The following CST9L variants were observed in gnomAD, a reference collection of about 807,000 sequenced individuals.
CST9L encodes cystatin-9-like.
Under a neutral mutation model 13.2 loss-of-function variants are expected in CST9L, and 17 were observed. The ratio of observed to expected loss-of-function variants is 1.29; its 90% CI spans 0.88 to 1.93. The LOEUF (loss-of-function observed/expected upper bound fraction) is 1.93, where lower values mean the gene tolerates loss of function less well. Among genes scored for constraint, CST9L ranks in the 30% most tolerant of loss-of-function variants. The pLI, the probability that CST9L is intolerant of heterozygous loss-of-function variation, is 0.00. For synonymous variants in CST9L, 78 were observed against 69.1 expected (o/e 1.13, Z -0.64); for missense variants, 170 against 170.5 (o/e 1.00, Z 0.02).
Position 23,568,434 on chromosome 20 carries a change from C to T in CST9L, c.17G>A (p.Trp6Ter), listed in dbSNP as rs765039620. ...CAGCGCCCAGGACAGACCTCCCTTCCACGGCAGGCCCAGCATGGTGCTGAC... is the reference window on the plus strand; with the variant it reads ...CAGCGCCCAGGACAGACCTCCCTTCTACGGCAGGCCCAGCATGGTGCTGAC... MLGLP[W>*]KGGLSWALLL... The change falls in exon 1 of 3, where the codon TGG becomes TAG. Residue 6 changes from tryptophan to a stop codon, truncating the protein, a stop_gained. Coordinates refer to ENST00000376979, the MANE Select transcript of CST9L (RefSeq NM_080610.3). LOFTEE classifies it high-confidence loss of function. 3.7e-6 allele frequency: 6 copies of T among 1,613,922 alleles called. No homozygotes were observed. In the Admixed American group the frequency reaches 1.0e-4, roughly 27 times the overall value.
At chr20:23,566,211 G>C in intron 1 of CST9L, 124 bp from the exon 2 acceptor site, 1 of 709,490 alleles carries the variant, frequency 1.4e-6, no homozygotes, top group South Asian at 1.6e-5. Flanking sequence ...GCTTGCCCAT[G>C]GGCCTGGCAT....
chr20:23,567,176 T>C (rs571967180), intron 1 of CST9L, among the ~76,000 whole-genome samples: 7 of 152,076 alleles, frequency 4.6e-5, no homozygotes, highest in Non-Finnish European at 8.8e-5. Flanking sequence ...GTTTCAGTAA[T>C]GAGGTAGGAA....
rs1345431683 is a variant in CST9L, at chr20:23,566,107, T to G, written c.241-20A>C. The G allele has an allele frequency of 7.5e-7, 1 of 1,326,248 alleles. No homozygotes were observed. The highest frequency in any genetic ancestry group is 1.7e-5 in the Admixed American group (1 of 59,722). The allele number at this position is 1,326,248 out of a possible 1,614,324, so 82.2% of individuals were successfully genotyped here. A position where few individuals can be genotyped will look rare whatever the true frequency, so the allele number is the denominator to read the frequency against. ...CTCCACCTATTGCACACAGAGAGAT[T>G]AATGTGAACACACCCTCCTTGTTGC... On this transcript the variant is annotated intron_variant, in intron 1 of 2. Coordinates refer to ENST00000376979, the MANE Select transcript of CST9L (RefSeq NM_080610.3).
chr20:23,565,921 C>T (rs1989086679), intron 2 of CST9L, 53 bp downstream of exon 2: 1 of 974,830 alleles, frequency 1.0e-6, no homozygotes, highest in Non-Finnish European at 1.7e-6. Flanking sequence ...CACACCACAC[C>T]CCATGTGGCA....
chr20:23,568,393 C>T lies in CST9L; in HGVS notation c.58G>A (p.Gly20Ser), dbSNP rs749707803. The part of the protein sequence containing the change: ...LSWALLLLLL[G>S]SQILLIYAWH... ...GCATAGATCAGCAGGATCTGGGAGCCTAAGAGAAGCAGCAGCAGCGCCCAG... is the reference window on the plus strand; with the variant it reads ...GCATAGATCAGCAGGATCTGGGAGCTTAAGAGAAGCAGCAGCAGCGCCCAG... The change falls in exon 1 of 3, where the codon GGC (glycine) becomes AGC (serine). Residue 20 changes from glycine (G) to serine (S), a missense_variant. By Grantham distance (56) the Gly-to-Ser change is moderately conservative. Transcript: ENST00000376979. The T allele has an allele frequency of 1.2e-6, 2 of 1,614,164 alleles. No individual in the cohort carries two copies. The highest frequency in any genetic ancestry group is 1.7e-6 in the Non-Finnish European group (2 of 1,180,022).
At chr20:23,568,037 A>G (rs930372412) in intron 1 of CST9L, among the ~76,000 whole-genome samples, 174 bp downstream of exon 1, 1 of 152,220 alleles carries the variant, frequency 6.6e-6, no homozygotes, top group Non-Finnish European at 1.5e-5. Flanking sequence ...TGAAATTTCT[A>G]ACTTAGATGT....
intron 1 of CST9L, among the ~76,000 whole-genome samples, chr20:23,566,768 C>A (rs891133857): frequency 6.6e-6 from 1 of 152,088 alleles, no homozygotes; most frequent in Non-Finnish European, 1.5e-5. Flanking sequence ...CTTGTAATCC[C>A]AGCTACTCGG....
intron 2 of CST9L, 94 bp from the exon 3 acceptor site, chr20:23,565,131 C>A: frequency 1.1e-6 from 1 of 895,986 alleles, no homozygotes; most frequent in Non-Finnish European, 1.9e-6. Context: ...TCCACATTGC[C>A]CTTTCCCAGG....
chr20:23,565,178 T>G, intron 2 of CST9L, 141 bp from the exon 3 acceptor site: 1 of 679,382 alleles, frequency 1.5e-6, no homozygotes, highest in Admixed American at 2.1e-5. Flanking sequence ...GGCTATCATG[T>G]GCTGCCCCCA....
At position 23,565,985 on chromosome 20, in the gene CST9L, C is replaced by T. The variant is rs756626927; in HGVS notation, c.343G>A (p.Glu115Lys). 43 of 1,579,880 alleles carry T rather than the reference C, an allele frequency of 2.7e-5. No individual in the cohort carries two copies. In the African/African-American group the frequency reaches 3.9e-4, roughly 14 times the overall value. Residue 115 changes from glutamate to lysine, a missense_variant, in exon 2 of 3, where the codon GAG (glutamate) becomes AAG (lysine). By Grantham distance (56) the Glu-to-Lys change is moderately conservative. Transcript: ENST00000376979. ...GTGTCCTGTCTTACATTGTTCAGCT[C>T]TGTGCTTTCTTGGAAATGGCAGTTG... Reference protein sequence around the residue: ...IDNCHFQESTELNNTFTCFFT... With the variant: ...IDNCHFQESTKLNNTFTCFFT...
Position 23,566,055 on chromosome 20 carries a change from T to C in CST9L, c.273A>G (p.Leu91=), listed in dbSNP as rs1989090602. Residue 91 remains leucine (L), a synonymous_variant, in exon 2 of 3, where the codon CTA becomes CTG. Coordinates refer to ENST00000376979, the MANE Select transcript of CST9L (RefSeq NM_080610.3). ...VESKTVFSME[L]LLGRTRCGKF... is the part of the protein sequence containing the mutation. ...TCCCACACCTAGTTCTCCCCAGCAG[T>C]AGCTCCATTGAGAATACAGTCTTGG... is the stretch of plus-strand genomic sequence containing the variant. The C allele has an allele frequency of 3.1e-6, 5 of 1,608,258 alleles. No individual in the cohort carries two copies. The East Asian group carries it at 1.1e-4, about 36-fold the overall frequency.
At chr20:23,568,025 T>C (rs1489934027) in intron 1 of CST9L, among the ~76,000 whole-genome samples, 186 bp downstream of exon 1, 1 of 152,224 alleles carries the variant, frequency 6.6e-6, no homozygotes, top group Non-Finnish European at 1.5e-5. Context: ...GATCAAATTA[T>C]TTGAAATTTC....
At chr20:23,565,896 A>T in intron 2 of CST9L, 78 bp downstream of exon 2, 1 of 833,174 alleles carries the variant, frequency 1.2e-6, no homozygotes, top group Non-Finnish European at 2.1e-6. Context: ...TCTCTTTGTC[A>T]GTTGCACCTG....
At chr20:23,566,164 G>T in intron 1 of CST9L, 77 bp from the exon 2 acceptor site, 3 of 856,600 alleles carry the variant, frequency 3.5e-6, no homozygotes, top group Non-Finnish European at 6.1e-6. Flanking sequence ...GATGTCATTT[G>T]TGTAGGAGAA....
At chr20:23,565,431 T>C (rs551490296) in intron 2 of CST9L, among the ~76,000 whole-genome samples, 9 of 152,132 alleles carry the variant, frequency 5.9e-5, no homozygotes, top group Non-Finnish European at 1.0e-4. Context: ...TGATTAAGCA[T>C]AGGAAGAGTT....
chr20:23,566,920 G>C (rs1989105405), intron 1 of CST9L, among the ~76,000 whole-genome samples: 1 of 152,080 alleles, frequency 6.6e-6, no homozygotes. Context: ...AACACCATCT[G>C]CCCTATTGCA....
intron 1 of CST9L, among the ~76,000 whole-genome samples, chr20:23,566,843 G>A (rs1379156446): frequency 6.6e-6 from 1 of 152,128 alleles, no homozygotes; most frequent in Non-Finnish European, 1.5e-5. Flanking sequence ...AGCTGAGATT[G>A]TGCCATTGCA....
chr20:23,566,553 TAC>T (rs1380901549), intron 1 of CST9L, among the ~76,000 whole-genome samples: 1 of 152,002 alleles, frequency 6.6e-6, no homozygotes, highest in Non-Finnish European at 1.5e-5. Flanking sequence ...GCACTCCCAC[TAC>T]ACACAGGCAT....
At position 23,568,371 on chromosome 20, in the gene CST9L, T is replaced by C. The variant is rs1257125818; in HGVS notation, c.80A>G (p.Tyr27Cys). ...CCTTTGCTCGTGGAAATGCCAGGCA[T>C]AGATCAGCAGGATCTGGGAGCCTAA... The part of the protein sequence containing the change: ...LLLGSQILLI[Y>C]AWHFHEQRDC... The change falls in exon 1 of 3, where the codon TAT becomes TGT. Residue 27 changes from tyrosine (Y) to cysteine (C), a missense_variant. Transcript: ENST00000376979. 1 of 1,614,198 alleles carries C rather than the reference T, an allele frequency of 6.2e-7. No individual in the cohort carries two copies. The highest frequency in any genetic ancestry group is 1.1e-5 in the South Asian group (1 of 91,082).
Sources: allele counts gnomAD v4.1 joint callset (sites outside exome capture counted in the v4.1 genomes callset), GRCh38; gene constraint gnomAD v4.1.1; transcripts MANE v1.5; gene names NCBI Gene and HGNC (gene_info 2026-07-23, HGNC 2026-07-21).